The following TMEM117 variants were observed in gnomAD, a reference collection of about 807,000 sequenced individuals.
TMEM117 encodes the protein transmembrane protein 117.
A neutral mutation model predicts 52.4 loss-of-function variants in TMEM117; 27 were observed. The ratio of observed to expected loss-of-function variants is 0.51; its 90% CI spans 0.38 to 0.71. The LOEUF is 0.71. TMEM117 is among the 30% of genes least tolerant of loss of function. The probability of loss-of-function intolerance (pLI) is 0.00; values close to 1 mark genes in which losing one functional copy is unlikely to be tolerated. For missense variants in TMEM117, 556 were observed against 630.5 expected, an observed-to-expected ratio of 0.88 and a Z score of 1.26; for synonymous variants, 215 against 206.3, an observed-to-expected ratio of 1.04 and a Z score of -0.36.
intron 2 of TMEM117, among the ~76,000 whole-genome samples, chr12:43,859,132 A>G (rs568636466): frequency 6.6e-6 from 1 of 152,340 alleles, no homozygotes; most frequent in Non-Finnish European, 1.5e-5. Flanking sequence ...AAAGGCGATT[A>G]TCCCCAAAGA....
At chr12:44,098,746 G>T (rs1947815080) in intron 3 of TMEM117, among the ~76,000 whole-genome samples, 1 of 152,068 alleles carries the variant, frequency 6.6e-6, no homozygotes, top group African/African-American at 2.4e-5. Context: ...CTCAAAATCT[G>T]TGTTAACTGT....
At chr12:44,321,835 A>G (rs1296858076) in intron 6 of TMEM117, among the ~76,000 whole-genome samples, 2 of 152,234 alleles carry the variant, frequency 1.3e-5, no homozygotes, top group Non-Finnish European at 2.9e-5. Context: ...GTATATCCAG[A>G]TAGAGAATCA....
chr12:43,803,705 T>C, the TMEM117 span, among the ~76,000 whole-genome samples: 3 of 152,112 alleles, frequency 2.0e-5, no homozygotes, highest in Non-Finnish European at 4.4e-5. Flanking sequence ...CATATATTCC[T>C]ATTGAATGTT....
At chr12:43,865,712 G>GAA (rs55929506) in intron 2 of TMEM117, among the ~76,000 whole-genome samples, 11 of 132,718 alleles carry the variant, frequency 8.3e-5, no homozygotes, top group Non-Finnish European at 1.6e-4. Context: ...AAGAAAAAAA[G>GAA]AAAAAAAAAA....
intron 4 of TMEM117, among the ~76,000 whole-genome samples, chr12:44,144,340 G>A (rs760013935): frequency 6.6e-6 from 1 of 152,114 alleles, no homozygotes; most frequent in African/African-American, 2.4e-5. Context: ...CTCACAAAAT[G>A]CAAAGAACAT....
At chr12:44,122,027 A>G (rs184333675) in intron 3 of TMEM117, among the ~76,000 whole-genome samples, 2 of 150,390 alleles carry the variant, frequency 1.3e-5, no homozygotes, top group South Asian at 2.1e-4. Context: ...AGCAAAGGAC[A>G]TGATTTCATT....
chr12:44,351,159 T>C (rs1299119686), intron 6 of TMEM117, among the ~76,000 whole-genome samples: 1 of 152,078 alleles, frequency 6.6e-6, no homozygotes, highest in African/African-American at 2.4e-5. Context: ...ATGTCTTCTT[T>C]TGAGAAATGT....
chr12:44,222,608 C>T (rs933833098), intron 5 of TMEM117, among the ~76,000 whole-genome samples: 19 of 152,256 alleles, frequency 1.2e-4, no homozygotes, highest in Non-Finnish European at 2.1e-4. Flanking sequence ...CTGGCTTTCT[C>T]ACTCTTCTAT....
chr12:44,001,605 G>A (rs1010786316), intron 3 of TMEM117, among the ~76,000 whole-genome samples: 2 of 152,006 alleles, frequency 1.3e-5, no homozygotes, highest in Admixed American at 6.6e-5. Flanking sequence ...GGACAGGTCA[G>A]GAGGCAATAT....
At chr12:44,261,124 T>TA (rs55764226) in intron 5 of TMEM117, among the ~76,000 whole-genome samples, 34 of 152,176 alleles carry the variant, frequency 2.2e-4, no homozygotes, top group Non-Finnish European at 3.2e-4. Flanking sequence ...AACATTTTTT[T>TA]AAAAAAATCA....
intron 3 of TMEM117, among the ~76,000 whole-genome samples, chr12:44,078,476 A>T (rs1947418414): frequency 6.6e-6 from 1 of 152,186 alleles, no homozygotes; most frequent in Non-Finnish European, 1.5e-5. Context: ...ATCCTTGGTG[A>T]GTCATTTACA....
chr12:44,292,620 G>C (rs1663056793), intron 5 of TMEM117, among the ~76,000 whole-genome samples: 1 of 151,946 alleles, frequency 6.6e-6, no homozygotes, highest in African/African-American at 2.4e-5. Context: ...TCTTAGAACT[G>C]TATTTGCTGC....
intron 3 of TMEM117, among the ~76,000 whole-genome samples, chr12:44,141,801 G>A (rs763470615): frequency 9.2e-4 from 140 of 152,220 alleles, no homozygotes; most frequent in Non-Finnish European, 1.7e-3. Flanking sequence ...TCAAGTGGAC[G>A]CCACTTTGAT....
intron 5 of TMEM117, among the ~76,000 whole-genome samples, chr12:44,241,985 TAA>T (rs1260887106): frequency 6.6e-6 from 1 of 152,024 alleles, no homozygotes; most frequent in Non-Finnish European, 1.5e-5. Context: ...AATTTGAGAA[TAA>T]GTTTATGTTA....
chr12:43,896,917 G>T (rs1014656335), intron 2 of TMEM117, among the ~76,000 whole-genome samples: 1 of 152,160 alleles, frequency 6.6e-6, no homozygotes, highest in Non-Finnish European at 1.5e-5. Context: ...AACCGTATTG[G>T]TCTGTGTGCA....
intron 6 of TMEM117, among the ~76,000 whole-genome samples, chr12:44,301,971 A>G (rs1950846178): frequency 6.6e-6 from 1 of 152,208 alleles, no homozygotes; most frequent in African/African-American, 2.4e-5. Context: ...TGAGTAAAAA[A>G]TTAGCCCCAA....
At chr12:44,186,558 G>A (rs1026010726) in intron 4 of TMEM117, among the ~76,000 whole-genome samples, 1 of 152,132 alleles carries the variant, frequency 6.6e-6, no homozygotes, top group African/African-American at 2.4e-5. Flanking sequence ...AGGTGAAAAT[G>A]AGAATGATTT....
intron 5 of TMEM117, among the ~76,000 whole-genome samples, chr12:44,236,187 T>C (rs841070): frequency 7.1e-6 from 1 of 141,492 alleles, no homozygotes; most frequent in East Asian, 2.1e-4. Context: ...TATATATATA[T>C]AGAGAGAGAG....
At chr12:44,336,941 G>A (rs1244810304) in intron 6 of TMEM117, among the ~76,000 whole-genome samples, 5 of 152,004 alleles carry the variant, frequency 3.3e-5, no homozygotes. Flanking sequence ...GCTGACGGGA[G>A]CAGTATTATG....
Sources: allele counts gnomAD v4.1 joint callset (sites outside exome capture counted in the v4.1 genomes callset), GRCh38; gene constraint gnomAD v4.1.1; transcripts MANE v1.5; gene names NCBI Gene and HGNC (gene_info 2026-07-23, HGNC 2026-07-21).